Variants in ANKRD36C observed in about 807,000 individuals in gnomAD.
ANKRD36C encodes ankyrin repeat domain 36C.
A neutral mutation model predicts 276.4 loss-of-function variants in ANKRD36C; 61 were observed. The ratio of observed to expected loss-of-function variants is 0.22; its 90% CI spans 0.18 to 0.27. The LOEUF (loss-of-function observed/expected upper bound fraction) is 0.27, where lower values mean the gene tolerates loss of function less well. Ranked by LOEUF, ANKRD36C falls within the 10% of genes least tolerant of loss-of-function variation. The probability of loss-of-function intolerance (pLI) is 1.00; values close to 1 mark genes in which losing one functional copy is unlikely to be tolerated. For missense variants in ANKRD36C, 1,447 were observed against 2,032.3 expected (o/e 0.71, Z 5.54); for synonymous variants, 483 against 680.1 (o/e 0.71, Z 4.51).
At chr2:95,871,348 T>TG (rs1675807217) in intron 59 of ANKRD36C, among the ~76,000 whole-genome samples, 1 of 151,144 alleles carries the variant, frequency 6.6e-6, no homozygotes, top group South Asian at 2.1e-4. Flanking sequence ...CGGAAGAGAG[T>TG]GGGGGCCAAT....
chr2:95,951,709 C>A (rs1021089652), intron 14 of ANKRD36C, among the ~76,000 whole-genome samples: 1 of 132 alleles, frequency 7.6e-3, no homozygotes, highest in African/African-American at 0.026. Flanking sequence ...AAAATGTACT[C>A]ATATGTAATT....
chr2:95,934,069 G>T (rs1056988259), intron 24 of ANKRD36C, among the ~76,000 whole-genome samples: 16 of 152,224 alleles, frequency 1.1e-4, no homozygotes, highest in Non-Finnish European at 2.2e-4. Context: ...TCTCATGCCA[G>T]TTAGAATGGT....
chr2:95,944,983 C>T (rs200547048), intron 18 of ANKRD36C, 131 bp downstream of exon 18: 4 of 1,172,794 alleles, frequency 3.4e-6, no homozygotes, highest in Non-Finnish European at 4.7e-6. Flanking sequence ...GTTGCAGTGA[C>T]CCAAGATCAT....
intron 50 of ANKRD36C, among the ~76,000 whole-genome samples, chr2:95,886,550 A>G (rs1676208293): frequency 6.6e-6 from 1 of 151,796 alleles, no homozygotes; most frequent in Non-Finnish European, 1.5e-5. Context: ...GTGGTCTAAA[A>G]TCACAGAAGA....
In ANKRD36C at chr2:95,978,201, A is replaced by C; in HGVS notation, c.732-12T>G. The C allele has an allele frequency of 1.2e-6, 1 of 846,692 alleles. No individual in the cohort carries two copies. The highest frequency in any genetic ancestry group is 3.0e-5 in the East Asian group (1 of 33,602). 52.4% of individuals were successfully genotyped at this position (846,692 alleles called of 1,614,324 possible). A position where few individuals can be genotyped will look rare whatever the true frequency, so the allele number is the denominator to read the frequency against. ...TTAGTTCAAAAATGCTATGCATAAAAATAAATGAAATTAATATTTTAATAC... is the reference window on the plus strand; with the variant it reads ...TTAGTTCAAAAATGCTATGCATAAACATAAATGAAATTAATATTTTAATAC... On this transcript the variant is annotated splice_polypyrimidine_tract_variant and intron_variant, in intron 5 of 66. Coordinates refer to ENST00000456556, the Ensembl canonical transcript of ANKRD36C.
At chr2:95,893,754 C>T (rs762648828) in intron 44 of ANKRD36C, 30 bp from the exon 63 acceptor site, 4 of 1,604,000 alleles carry the variant, frequency 2.5e-6, no homozygotes, top group Non-Finnish European at 3.4e-6. Context: ...CATAATCACT[C>T]ATATGTAAAT....
At chr2:95,963,973 A>G (rs1211613188) in intron 6 of ANKRD36C, among the ~76,000 whole-genome samples, 1 of 27,506 alleles carries the variant, frequency 3.6e-5, no homozygotes, top group Non-Finnish European at 6.7e-5. Flanking sequence ...ATATATATAA[A>G]TATATATATA....
At chr2:95,946,143 G>A (rs1319650516) in intron 17 of ANKRD36C, among the ~76,000 whole-genome samples, 20 of 100,778 alleles carry the variant, frequency 2.0e-4, no homozygotes, top group African/African-American at 7.3e-4. Context: ...CAGAGAGAGA[G>A]AGACAGAGAG....
intron 3 of ANKRD36C, among the ~76,000 whole-genome samples, chr2:95,983,124 G>A (rs1678952583): frequency 6.6e-6 from 1 of 150,736 alleles, no homozygotes; most frequent in South Asian, 2.1e-4. Flanking sequence ...AATGTCAGGA[G>A]CTCCTGAGCA....
chr2:95,970,632 T>G (rs576754418), intron 6 of ANKRD36C, among the ~76,000 whole-genome samples: 2 of 152,306 alleles, frequency 1.3e-5, no homozygotes, highest in East Asian at 3.9e-4. Context: ...CTCTTGGCAT[T>G]TTTCATGATG....
intron 6 of ANKRD36C, among the ~76,000 whole-genome samples, chr2:95,977,760 A>G (rs1000691345): frequency 2.6e-5 from 4 of 152,170 alleles, no homozygotes; most frequent in African/African-American, 7.2e-5. Flanking sequence ...GTAATTGCAA[A>G]GAATTTATTT....
At chr2:95,849,876 T>C (rs1675251999), downstream of ANKRD36C, among the ~76,000 whole-genome samples, 1 of 152,166 alleles carries the variant, frequency 6.6e-6, no homozygotes, top group Admixed American at 6.5e-5. Flanking sequence ...CAGATGAAGC[T>C]TCACTCGCTT....
At chr2:95,913,624 T>C (rs1677000032) in intron 40 of ANKRD36C, among the ~76,000 whole-genome samples, 1 of 151,450 alleles carries the variant, frequency 6.6e-6, no homozygotes. Context: ...TATAAATGAC[T>C]TCCTCTTTTC....
intron 26 of ANKRD36C, 145 bp from the exon 27 acceptor site, chr2:95,927,554 G>C: frequency 7.5e-7 from 1 of 1,329,072 alleles, no homozygotes; most frequent in Non-Finnish European, 1.0e-6. Flanking sequence ...CTGGAGACTG[G>C]AACACGACAG....
intron 1 of ANKRD36C, among the ~76,000 whole-genome samples, chr2:95,989,542 T>C (rs1267217012): frequency 2.6e-5 from 4 of 152,012 alleles, no homozygotes; most frequent in Non-Finnish European, 5.9e-5. Flanking sequence ...CACTGAAATT[T>C]ATTGATAAAT....
At chr2:95,908,176 CCT>C (rs1457706013) in intron 42 of ANKRD36C, among the ~76,000 whole-genome samples, 62 of 149,224 alleles carry the variant, frequency 4.2e-4, no homozygotes, top group African/African-American at 1.3e-3. Flanking sequence ...TTCTATACTT[CCT>C]CTCTTTCTCC....
intron 44 of ANKRD36C, among the ~76,000 whole-genome samples, chr2:95,894,724 T>A (rs1676486666): frequency 1.3e-5 from 2 of 151,424 alleles, no homozygotes; most frequent in South Asian, 4.1e-4. Flanking sequence ...CATGTATCTC[T>A]GATGCCTAAT....
At chr2:95,959,081 A>C (rs1017489976) in intron 10 of ANKRD36C, among the ~76,000 whole-genome samples, 4 of 152,292 alleles carry the variant, frequency 2.6e-5, no homozygotes, top group African/African-American at 9.6e-5. Context: ...ATGAGGACAA[A>C]TGTGATCTAA....
At chr2:95,962,532 T>G in exon 7 of ANKRD36C, 1 of 1,600,986 alleles carries the variant, frequency 6.2e-7, no homozygotes, top group South Asian at 1.1e-5. Flanking sequence ...CAAGGCTGGT[T>G]GTTTCTGAGA....
Sources: gnomAD v4.1 joint callset for allele counts (sites outside exome capture counted in the v4.1 genomes callset) on GRCh38, gnomAD v4.1.1 for gene constraint, MANE v1.5 for transcripts, NCBI Gene and HGNC (gene_info 2026-07-23, HGNC 2026-07-21) for gene names.